Variants in CSN3 observed in about 807,000 individuals in gnomAD.
The protein encoded by CSN3 is kappa-casein.
CSN3 carries 7 observed loss-of-function variants against 9.9 expected under a neutral mutation model. The ratio of observed to expected loss-of-function variants is 0.71; its 90% CI spans 0.40 to 1.33. CSN3 has a LOEUF of 1.33. Ranked by LOEUF, CSN3 falls within the 40% of genes most tolerant of loss-of-function variation. The pLI, the probability that CSN3 is intolerant of heterozygous loss-of-function variation, is 0.01. For missense variants in CSN3, 253 were observed against 227.9 expected (o/e 1.11, Z -0.71); for synonymous variants, 88 against 82.3 (o/e 1.07, Z -0.37).
chr4:70,249,314 A>G (rs1476124198), exon 4 of CSN3: 5 of 1,613,840 alleles, frequency 3.1e-6, no homozygotes, highest in African/African-American at 2.7e-5. Flanking sequence ...CCTACCATCA[A>G]TACCATTGCT....
chr4:70,244,433 T>G (rs1346030350), intron 1 of CSN3, among the ~76,000 whole-genome samples: 1 of 152,116 alleles, frequency 6.6e-6, no homozygotes, highest in Admixed American at 6.6e-5. Flanking sequence ...AAACTTTTAT[T>G]AATAGAAAAC....
upstream of CSN3, among the ~76,000 whole-genome samples, chr4:70,240,530 C>T (rs1158955417): frequency 6.6e-6 from 1 of 151,986 alleles, no homozygotes. Flanking sequence ...ATCGCAGCTT[C>T]CTTGGAGATT....
At chr4:70,240,430 GC>G (rs1348527749), upstream of CSN3, among the ~76,000 whole-genome samples, 1 of 151,906 alleles carries the variant, frequency 6.6e-6, no homozygotes, top group East Asian at 1.9e-4. Flanking sequence ...ATCAGGCCAT[GC>G]CCCTGTTGAT....
intron 1 of CSN3, among the ~76,000 whole-genome samples, chr4:70,244,023 C>G (rs1334793498): frequency 6.6e-6 from 1 of 151,944 alleles, no homozygotes; most frequent in Non-Finnish European, 1.5e-5. Flanking sequence ...AAGTTCAAAC[C>G]CTGGTTTTAC....
intron 1 of CSN3, among the ~76,000 whole-genome samples, chr4:70,243,544 C>T (rs1730312929): frequency 6.6e-6 from 1 of 152,060 alleles, no homozygotes; most frequent in Non-Finnish European, 1.5e-5. Context: ...TAATGGAGTC[C>T]AGTGGGCTTT....
In CSN3 at chr4:70,248,984, TA is replaced by T. The variant is rs746819893; in HGVS notation, c.88-13del. 6.5e-6 allele frequency: 10 copies of T among 1,528,140 alleles called. No individual in the cohort carries two copies. Among genetic ancestry groups the T allele is most frequent in the African/African-American group, 2.8e-5 (2 of 71,592 alleles). 94.7% of individuals were successfully genotyped at this position (1,528,140 alleles called of 1,614,324 possible). ...TATAATAATAATATTCTGTATAATT[TA>T]TTTTTTTTGCAGTGCCATGAGAATG... On this transcript the variant is annotated splice_polypyrimidine_tract_variant and intron_variant, in intron 3 of 4. Transcript: ENST00000304954.
exon 2 of CSN3, chr4:70,244,873 G>C: frequency 6.4e-7 from 1 of 1,559,968 alleles, no homozygotes; most frequent in Non-Finnish European, 8.7e-7. Context: ...TGCCTTTTTT[G>C]GTAAGTTAAT....
intron 4 of CSN3, among the ~76,000 whole-genome samples, chr4:70,250,082 A>C (rs1305601400): frequency 6.6e-6 from 1 of 152,192 alleles, no homozygotes; most frequent in Non-Finnish European, 1.5e-5. Context: ...AACTTGAAAA[A>C]CACATAAATA....
At chr4:70,239,093 T>C (rs1346971162), upstream of CSN3, among the ~76,000 whole-genome samples, 2 of 151,604 alleles carry the variant, frequency 1.3e-5, no homozygotes, top group Non-Finnish European at 2.9e-5. Flanking sequence ...ATATTAAAGA[T>C]AGAGGGAGAA....
chr4:70,244,939 A>G (rs1009960689), intron 2 of CSN3, 66 bp downstream of exon 2: 3 of 856,564 alleles, frequency 3.5e-6, no homozygotes, highest in African/African-American at 1.7e-5. Context: ...GGCTTTAACT[A>G]TGCAAACTTC....
intron 2 of CSN3, among the ~76,000 whole-genome samples, chr4:70,245,130 C>T (rs112561516): frequency 6.6e-6 from 1 of 151,868 alleles, no homozygotes; most frequent in Non-Finnish European, 1.5e-5. Flanking sequence ...AATTCTCATG[C>T]TATAGAGAAA....
upstream of CSN3, among the ~76,000 whole-genome samples, chr4:70,240,546 G>T (rs972609179): frequency 1.3e-5 from 2 of 151,988 alleles, no homozygotes; most frequent in African/African-American, 4.8e-5. Flanking sequence ...AGATTTCAGA[G>T]CATGCGAGTT....
At chr4:70,248,754 T>C (rs999232136) in intron 3 of CSN3, among the ~76,000 whole-genome samples, 2 of 151,814 alleles carry the variant, frequency 1.3e-5, no homozygotes, top group African/African-American at 4.8e-5. Context: ...AATAAACTCA[T>C]CTAATTTCTT....
chr4:70,243,715 G>T (rs1730316545), intron 1 of CSN3, among the ~76,000 whole-genome samples: 1 of 151,928 alleles, frequency 6.6e-6, no homozygotes, highest in Middle Eastern at 3.4e-3. Context: ...AAAAAGTTTG[G>T]GGTATCATAT....
At chr4:70,246,608 C>T (rs2109696681) in intron 2 of CSN3, among the ~76,000 whole-genome samples, 1 of 151,222 alleles carries the variant, frequency 6.6e-6, no homozygotes, top group East Asian at 1.9e-4. Flanking sequence ...GTTGATATCG[C>T]ATTAAGGTAT....
At chr4:70,240,331 A>C (rs1730248624), upstream of CSN3, among the ~76,000 whole-genome samples, 1 of 152,014 alleles carries the variant, frequency 6.6e-6, no homozygotes, top group African/African-American at 2.4e-5. Context: ...ATGAATATAC[A>C]CTGATTATCA....
At chr4:70,244,726 A>C (rs1730340758) in intron 1 of CSN3, 86 bp from the exon 2 acceptor site, 1 of 654,824 alleles carries the variant, frequency 1.5e-6, no homozygotes, top group Non-Finnish European at 2.2e-6. Flanking sequence ...TTTTTTTCTT[A>C]ATCAAGGAAA....
rs374948557 is a variant in CSN3 at position 70,243,404 on chromosome 4, T to C, written c.-9+739T>C. ...TTCATCCCACTTAAAGAAATATGAGTGTGCTTAGATTGTTCAAATTGATTC... is the reference window on the plus strand; with the variant it reads ...TTCATCCCACTTAAAGAAATATGAGCGTGCTTAGATTGTTCAAATTGATTC... On this transcript the variant is annotated intron_variant, in intron 1 of 4. Transcript: ENST00000304954. Among the ~76,000 whole-genome samples, 4 of 152,148 alleles carry C rather than the reference T, an allele frequency of 2.6e-5. No individual in the cohort carries two copies. In the East Asian group the frequency reaches 7.7e-4, roughly 29 times the overall value.
chr4:70,249,167 T>C (rs1730434975), exon 4 of CSN3: 1 of 1,614,064 alleles, frequency 6.2e-7, no homozygotes, highest in Non-Finnish European at 8.5e-7. Context: ...AACCCAGCTG[T>C]AGTTAGGCCA....
Sources: gnomAD v4.1 joint callset for allele counts (sites outside exome capture counted in the v4.1 genomes callset) on GRCh38, gnomAD v4.1.1 for gene constraint, MANE v1.5 for transcripts, NCBI Gene and HGNC (gene_info 2026-07-23, HGNC 2026-07-21) for gene names.